The following ELOVL7 variants were observed in gnomAD, a reference collection of about 807,000 sequenced individuals.
ELOVL7 encodes ELOVL fatty acid elongase 7, also known as very long chain fatty acid elongase 7.
A neutral mutation model predicts 35.7 loss-of-function variants in ELOVL7; 27 were observed. The observed-to-expected ratio is 0.76, with a 90% CI of 0.56 to 1.04. ELOVL7 has a LOEUF of 1.04. Ranked by LOEUF, ELOVL7 falls within the 50% of genes least tolerant of loss-of-function variation. The pLI is 0.00. For missense variants in ELOVL7, 327 were observed against 340.8 expected (o/e 0.96, Z 0.32); for synonymous variants, 113 against 114.6 (o/e 0.99, Z 0.09).
intron 3 of ELOVL7, among the ~76,000 whole-genome samples, chr5:60,772,314 G>A (rs543723578): frequency 6.6e-6 from 1 of 151,960 alleles, no homozygotes; most frequent in African/African-American, 2.4e-5. Context: ...TGCACTGATC[G>A]CCTGCATGAT....
intron 1 of ELOVL7, among the ~76,000 whole-genome samples, chr5:60,820,320 G>A (rs1248121679): frequency 2.0e-5 from 3 of 152,206 alleles, no homozygotes; most frequent in African/African-American, 7.2e-5. Context: ...AGAAAAACCA[G>A]CTGTGCCAAC....
At chr5:60,784,601 G>A (rs1439498507) in intron 3 of ELOVL7, among the ~76,000 whole-genome samples, 3 of 152,142 alleles carry the variant, frequency 2.0e-5, no homozygotes, top group East Asian at 3.9e-4. Flanking sequence ...GTTTCCTTAC[G>A]CTACTCAGGG....
chr5:60,801,821 G>A (rs1310341234), intron 1 of ELOVL7, among the ~76,000 whole-genome samples: 1 of 152,024 alleles, frequency 6.6e-6, no homozygotes, highest in Non-Finnish European at 1.5e-5. Context: ...ATCTCCTCCT[G>A]CCCTTGAATG....
At chr5:60,782,216 T>C (rs1416674792) in intron 3 of ELOVL7, among the ~76,000 whole-genome samples, 1 of 152,130 alleles carries the variant, frequency 6.6e-6, no homozygotes, top group Non-Finnish European at 1.5e-5. Context: ...CTTACATTTG[T>C]AAGAATGTCT....
chr5:60,787,962 T>G (rs1318765912), intron 2 of ELOVL7, among the ~76,000 whole-genome samples: 1 of 152,196 alleles, frequency 6.6e-6, no homozygotes, highest in Admixed American at 6.5e-5. Flanking sequence ...AAGGAAAAGC[T>G]GCTTAGTTTA....
At chr5:60,835,344 T>C (rs1746730519) in intron 1 of ELOVL7, among the ~76,000 whole-genome samples, 1 of 151,868 alleles carries the variant, frequency 6.6e-6, no homozygotes, top group Non-Finnish European at 1.5e-5. Flanking sequence ...CAAAACAAAA[T>C]AAAACAACTA....
chr5:60,823,982 C>T (rs998894250), intron 1 of ELOVL7, among the ~76,000 whole-genome samples: 10 of 152,294 alleles, frequency 6.6e-5, no homozygotes, highest in African/African-American at 2.4e-4. Flanking sequence ...AGTTTTCCAC[C>T]ACACTGTTCA....
intron 1 of ELOVL7, among the ~76,000 whole-genome samples, chr5:60,829,388 A>G (rs1222167276): frequency 6.6e-6 from 1 of 152,144 alleles, no homozygotes; most frequent in Admixed American, 6.5e-5. Context: ...TTTCTGTTAG[A>G]AGTTCTCTAT....
chr5:60,755,579 C>T (rs1741492306), intron 8 of ELOVL7, among the ~76,000 whole-genome samples: 1 of 152,148 alleles, frequency 6.6e-6, no homozygotes, highest in Admixed American at 6.5e-5. Context: ...ATCGCTTGAA[C>T]CTGGGAGGCG....
rs1045923868 is a variant in ELOVL7 at position 60,799,204 on chromosome 5, G to T, written c.-59C>A. ...CCAAAACTTATGGGATGCCACAAAA[G>T]CAGTTCTAAGAGGGAAGTTTAAATG... On this transcript the variant is annotated 5_prime_UTR_variant, in exon 2 of 9. Transcript: ENST00000508821. The T allele has an allele frequency of 1.3e-5, 2 of 151,962 alleles. No individual in the cohort carries two copies. Among genetic ancestry groups the T allele is most frequent in the African/African-American group, 4.8e-5 (2 of 41,388 alleles). The allele number at this position is 151,962 out of a possible 1,614,324, so 9.4% of individuals were successfully genotyped here.
At position 60,793,430 on chromosome 5, in the gene ELOVL7, T is replaced by G. The variant is rs556881777; in HGVS notation, c.-35+5750A>C. ...AGCTAGCAGGCACCAAATATCAGGA[T>G]GACATGTTGCTGCTTAAAGTAAAAT... On this transcript the variant is annotated intron_variant, in intron 2 of 8. Coordinates refer to ENST00000508821, the MANE Select transcript of ELOVL7 (RefSeq NM_024930.3). 2.0e-5 allele frequency among the ~76,000 whole-genome samples: 3 copies of G among 152,266 alleles called. No individual in the cohort carries two copies. The South Asian group carries it at 6.2e-4, about 32-fold the overall frequency.
chr5:60,765,560 T>C (rs1001471955), intron 6 of ELOVL7, among the ~76,000 whole-genome samples: 6 of 152,158 alleles, frequency 3.9e-5, no homozygotes, highest in Admixed American at 1.3e-4. Context: ...ACATGGTCCC[T>C]GGACCAATAA....
chr5:60,807,164 GT>G (rs574954813), intron 1 of ELOVL7, among the ~76,000 whole-genome samples: 2 of 148,098 alleles, frequency 1.4e-5, no homozygotes, highest in South Asian at 2.2e-4. Context: ...TCCTAATTTT[GT>G]TTTTTTTTTC....
At chr5:60,765,055 A>G (rs2112153555) in intron 6 of ELOVL7, among the ~76,000 whole-genome samples, 1 of 152,346 alleles carries the variant, frequency 6.6e-6, no homozygotes, top group African/African-American at 2.4e-5. Flanking sequence ...TAAACAGAAT[A>G]GCACAAAGAA....
intron 1 of ELOVL7, among the ~76,000 whole-genome samples, chr5:60,801,743 A>C (rs1472263291): frequency 6.6e-6 from 1 of 151,798 alleles, no homozygotes; most frequent in African/African-American, 2.4e-5. Flanking sequence ...GAACAAAGCG[A>C]GCAGAAGGAA....
intron 1 of ELOVL7, among the ~76,000 whole-genome samples, chr5:60,800,276 C>T (rs558013989): frequency 1.2e-4 from 18 of 152,118 alleles, no homozygotes; most frequent in Admixed American, 3.3e-4. Context: ...TAAAAAGGAT[C>T]ATTCACTATG....
chr5:60,790,247 T>G (rs1465858724), intron 2 of ELOVL7, among the ~76,000 whole-genome samples: 2 of 152,162 alleles, frequency 1.3e-5, no homozygotes, highest in African/African-American at 4.8e-5. Context: ...TACTCATAGT[T>G]GTATAAAAGG....
intron 2 of ELOVL7, among the ~76,000 whole-genome samples, chr5:60,790,625 C>T (rs1174206273): frequency 6.6e-6 from 1 of 152,132 alleles, no homozygotes; most frequent in Non-Finnish European, 1.5e-5. Context: ...CAGAGTCTGT[C>T]TGGACTCTTT....
chr5:60,829,044 A>T (rs1319826726), intron 1 of ELOVL7, among the ~76,000 whole-genome samples: 3 of 152,160 alleles, frequency 2.0e-5, no homozygotes, highest in Non-Finnish European at 4.4e-5. Context: ...CTGAGTGATG[A>T]GTATATCAGT....
Sources: allele counts gnomAD v4.1 joint callset (sites outside exome capture counted in the v4.1 genomes callset), GRCh38; gene constraint gnomAD v4.1.1; transcripts MANE v1.5; gene names NCBI Gene and HGNC (gene_info 2026-07-23, HGNC 2026-07-21).